The following POMT1 variants were observed in gnomAD, a reference collection of about 807,000 sequenced individuals.
POMT1 encodes the protein protein O-mannosyl-transferase 1.
POMT1 carries 85 observed loss-of-function variants against 101.6 expected under a neutral mutation model. That is an observed-to-expected ratio of 0.84 (90% CI 0.70 to 1.00). The LOEUF is 1.00. POMT1 is among the 50% of genes least tolerant of loss of function. The probability of loss-of-function intolerance (pLI) is 0.00; values close to 1 mark genes in which losing one functional copy is unlikely to be tolerated. For synonymous variants in POMT1, 371 were observed against 383.0 expected, an observed-to-expected ratio of 0.97 and a Z score of 0.37; for missense variants, 857 against 930.4, an observed-to-expected ratio of 0.92 and a Z score of 1.03.
chr9:131,520,855 AAG>A (rs1277595072), intron 17 of POMT1, among the ~76,000 whole-genome samples: 2 of 152,112 alleles, frequency 1.3e-5, no homozygotes, highest in South Asian at 2.1e-4. Context: ...GTGAGAGAGA[AAG>A]AGAGAGACGG....
rs766266374 is a variant in POMT1, at chr9:131,511,320, T to A, written c.856-17T>A. ...TCTTTCTGTCTCTCACTCATCAACC[T>A]TCTGCTTCTGTCTCAGGGAGGACTA... On this transcript the variant is annotated splice_polypyrimidine_tract_variant and intron_variant, in intron 9 of 19. Transcript: ENST00000402686. The A allele has an allele frequency of 6.2e-7, 1 of 1,602,100 alleles. No homozygotes were observed. Among genetic ancestry groups the A allele is most frequent in the Non-Finnish European group, 8.5e-7 (1 of 1,170,434 alleles).
At chr9:131,515,765 CTA>C (rs374030297) in intron 13 of POMT1, among the ~76,000 whole-genome samples, 16 of 28,038 alleles carry the variant, frequency 5.7e-4, no homozygotes, top group South Asian at 1.8e-3. Flanking sequence ...AGCACTTCCT[CTA>C]ACATGGAGCA....
At chr9:131,512,219 C>T in intron 11 of POMT1, 83 bp downstream of exon 11, 24 of 1,560,092 alleles carry the variant, frequency 1.5e-5, no homozygotes, top group Non-Finnish European at 1.9e-5. Context: ...TCCTGGGCCC[C>T]CTTCTTTCCC....
intron 2 of POMT1, 111 bp from the exon 3 acceptor site, chr9:131,506,003 T>A: frequency 1.4e-6 from 2 of 1,436,118 alleles, no homozygotes; most frequent in Admixed American, 3.7e-5. Flanking sequence ...CAGCCTTTGC[T>A]GATCACTCAC....
chr9:131,504,349 A>T lies in POMT1; in HGVS notation c.122+9A>T. On this transcript the variant is annotated intron_variant, in intron 2 of 19. Coordinates refer to ENST00000402686, the MANE Select transcript of POMT1 (RefSeq NM_001077365.2). ...TACCCGCGGGCTGTGGTGTAAGCTA[A>T]ATGACTCCATTCCCAGGGTGAATCT... 6.2e-7 allele frequency: 1 copy of T among 1,614,154 alleles called. No individual in the cohort carries two copies. Among genetic ancestry groups the T allele is most frequent in the South Asian group, 1.1e-5 (1 of 91,070 alleles).
rs961071228 is a variant in POMT1 at position 131,511,468 on chromosome 9, G to A, written c.986+1G>A. On this transcript the variant is annotated splice_donor_variant, in intron 10 of 19. Transcript: ENST00000402686. LOFTEE classifies it high-confidence loss of function. Reference sequence around the variant, plus strand: ...CCCACCAGGACACCTACCCCATGATGTAAGGTGATGGTTTTACTTTGAAGA... The same window carrying A: ...CCCACCAGGACACCTACCCCATGATATAAGGTGATGGTTTTACTTTGAAGA... The A allele has an allele frequency of 3.1e-6, 5 of 1,614,050 alleles. No individual in the cohort carries two copies. The highest frequency in any genetic ancestry group is 4.5e-5 in the East Asian group (2 of 44,900).
intron 6 of POMT1, 80 bp from the exon 7 acceptor site, chr9:131,509,663 T>C (rs1392257535): frequency 1.2e-6 from 2 of 1,612,930 alleles, no homozygotes; most frequent in Non-Finnish European, 1.7e-6. Context: ...AAGATTTCTC[T>C]GAAGAATGTG....
chr9:131,518,529 G>A lies in POMT1; in HGVS notation c.1357G>A (p.Val453Ile), dbSNP rs1008021925. The A allele has an allele frequency of 2.5e-6, 4 of 1,613,228 alleles. No individual in the cohort carries two copies. Among genetic ancestry groups the A allele is most frequent in the Admixed American group, 3.3e-5 (2 of 60,010 alleles). The change falls in exon 14 of 20, where the codon GTC becomes ATC. Residue 453 changes from valine (V) to isoleucine (I), a missense_variant. Transcript: ENST00000402686. ...CTTTGTGCACGTGAACACTTCCGCT[G>A]TCTTAAAGGTAAGGACACTGTCCGT... is the stretch of plus-strand genomic sequence containing the variant. ...VRFVHVNTSA[V>I]LKLSGAHLPD...
rs955557675 is a variant in POMT1 at position 131,508,955 on chromosome 9, G to T, written c.472G>T (p.Val158Leu). ...TQSRLMLLES[V>L]LIFFNLLAVL... is the part of the protein sequence containing the mutation. ...GTCAAGGCTAATGCTTTTGGAATCA[G>T]TGTTAATATTTTTCAATCTATTGGC... Residue 158 changes from valine (V) to leucine (L), a missense_variant, in exon 6 of 20, where the codon GTG becomes TTG. Coordinates refer to ENST00000402686, the MANE Select transcript of POMT1 (RefSeq NM_001077365.2). 1 of 1,614,026 alleles carries T rather than the reference G, an allele frequency of 6.2e-7. No homozygotes were observed. The highest frequency in any genetic ancestry group is 1.1e-5 in the South Asian group (1 of 91,070).
At chr9:131,504,482 G>C in intron 2 of POMT1, 142 bp downstream of exon 2, 1 of 1,279,152 alleles carries the variant, frequency 7.8e-7, no homozygotes, top group African/African-American at 1.5e-5. Context: ...GGAGAGACCA[G>C]TCTGTCCCCA....
chr9:131,517,009 T>C (rs17537644), intron 13 of POMT1: 19,613 of 152,298 alleles, frequency 0.13, 1,429 homozygotes, highest in Non-Finnish European at 0.15. Context: ...TACTGGACCA[T>C]GTTGCCATCT....
intron 13 of POMT1, among the ~76,000 whole-genome samples, chr9:131,517,363 C>T (rs560541737): frequency 6.6e-6 from 1 of 152,226 alleles, no homozygotes; most frequent in Non-Finnish European, 1.5e-5. Flanking sequence ...CTTGGTATTA[C>T]AGGTTAGCCA....
In POMT1 at chr9:131,522,462, G is replaced by A. The variant is rs1162131927; in HGVS notation, c.2003+238G>A. 3 of 809,954 alleles carry A rather than the reference G, an allele frequency of 3.7e-6. No homozygotes were observed. The highest frequency in any genetic ancestry group is 5.7e-6 in the Non-Finnish European group (3 of 530,224). The allele number at this position is 809,954 out of a possible 1,614,324, so 50.2% of individuals were successfully genotyped here. ...GAAAGCGGAGTGGGTGGGGAGACGG[G>A]GAGGGGATGAAGAGATGTGGGTGGC... On this transcript the variant is annotated intron_variant, in intron 19 of 19. Coordinates refer to ENST00000402686, the MANE Select transcript of POMT1 (RefSeq NM_001077365.2). The surrounding 1 kb of genome is among the most constrained non-coding windows in gnomAD (Gnocchi z 5.5).
intron 8 of POMT1, 95 bp from the exon 9 acceptor site, chr9:131,510,165 G>A (rs1946794147): frequency 6.2e-7 from 1 of 1,608,464 alleles, no homozygotes; most frequent in Non-Finnish European, 8.5e-7. Context: ...GGAGGCCAGA[G>A]TTTCTGTCAC....
At chr9:131,511,614 T>C in intron 10 of POMT1, 147 bp downstream of exon 10, 1 of 1,110,214 alleles carries the variant, frequency 9.0e-7, no homozygotes, top group Non-Finnish European at 1.3e-6. Flanking sequence ...GCCAGTGAGC[T>C]TCGTGGTTCC....
In POMT1 at chr9:131,523,387, C is replaced by T; in HGVS notation, c.*281C>T. On this transcript the variant is annotated 3_prime_UTR_variant, in exon 20 of 20. Transcript: ENST00000402686. ...CAGAGGCCAGCGTAGGAGTCATTGA[C>T]AACAAAAAGCCGAGAACCCAGGGCC... 2.2e-6 allele frequency: 1 copy of T among 444,714 alleles called. No individual in the cohort carries two copies. Among genetic ancestry groups the T allele is most frequent in the Non-Finnish European group, 4.2e-6 (1 of 239,464 alleles). 27.5% of individuals were successfully genotyped at this position (444,714 alleles called of 1,614,324 possible).
intron 9 of POMT1, chr9:131,511,111 G>C (rs1209109578): frequency 1.3e-5 from 7 of 537,688 alleles, no homozygotes; most frequent in Non-Finnish European, 2.3e-5. Flanking sequence ...GCGCGTGGAA[G>C]GCTGAACTGA....
chr9:131,518,648 A>G, intron 14 of POMT1, 111 bp downstream of exon 14: 1 of 1,392,522 alleles, frequency 7.2e-7, no homozygotes. Flanking sequence ...CATTTGAGTC[A>G]TCATGGCTTC....
Position 131,519,618 on chromosome 9 carries a change from A to C in POMT1, c.1584+132A>C. 1 of 871,770 alleles carries C rather than the reference A, an allele frequency of 1.1e-6. No homozygotes were observed. The highest frequency in any genetic ancestry group is 1.8e-6 in the Non-Finnish European group (1 of 544,312). The allele number at this position is 871,770 out of a possible 1,614,324, so 54.0% of individuals were successfully genotyped here. A position where few individuals can be genotyped will look rare whatever the true frequency, so the allele number is the denominator to read the frequency against. On this transcript the variant is annotated intron_variant, in intron 16 of 19. Transcript: ENST00000402686. The surrounding 1 kb of genome is among the most constrained non-coding windows in gnomAD (Gnocchi z 4.3). ...GGAGCTACAGGCTCACAACAGAATG[A>C]GTGTCTCCTCTCTCCAGTGTAAGGG...
Sources: allele counts gnomAD v4.1 joint callset (sites outside exome capture counted in the v4.1 genomes callset), GRCh38; gene constraint gnomAD v4.1.1; non-coding constraint Gnocchi (gnomAD v3.1); transcripts MANE v1.5; gene names NCBI Gene and HGNC (gene_info 2026-07-23, HGNC 2026-07-21).